EYS: variants seen among roughly 807,000 people sequenced by gnomAD.
The protein encoded by EYS is EGF-like photoreceptor maintenance factor, also known as protein eyes shut homolog.
A neutral mutation model predicts 282.1 loss-of-function variants in EYS; 250 were observed. That is an observed-to-expected ratio of 0.89 (90% CI 0.80 to 0.98). EYS has a LOEUF of 0.98. Among genes scored for constraint, EYS ranks in the 50% least tolerant of loss-of-function variants. The probability of loss-of-function intolerance (pLI) is 0.00; values close to 1 mark genes in which losing one functional copy is unlikely to be tolerated. For missense variants in EYS, 4,016 were observed against 3,709.0 expected (o/e 1.08, Z -2.15); for synonymous variants, 1,355 against 1,282.9 (o/e 1.06, Z -1.20).
intron 9 of EYS, among the ~76,000 whole-genome samples, chr6:65,345,869 G>A (rs1007411680): frequency 6.6e-6 from 1 of 151,274 alleles, no homozygotes; most frequent in African/African-American, 2.4e-5. Context: ...CAAATGAGGG[G>A]ATATAATTAT....
intron 29 of EYS, among the ~76,000 whole-genome samples, chr6:64,328,849 T>C (rs1770528801): frequency 6.6e-6 from 1 of 152,072 alleles, no homozygotes; most frequent in African/African-American, 2.4e-5. Context: ...TAAAACTAGG[T>C]AGCTAAGCCA....
At chr6:65,520,590 T>C (rs1767328820) in intron 2 of EYS, among the ~76,000 whole-genome samples, 1 of 151,832 alleles carries the variant, frequency 6.6e-6, no homozygotes, top group African/African-American at 2.4e-5. Flanking sequence ...GTATCATTTA[T>C]GTAACAGTCT....
Position 65,600,529 on chromosome 6 carries a change from G to T in EYS, c.-333+39249C>A, listed in dbSNP as rs540714303. On this transcript the variant is annotated intron_variant, in intron 2 of 42. Coordinates refer to ENST00000503581, the MANE Select transcript of EYS (RefSeq NM_001142800.2). Reference sequence around the variant, plus strand: ...CCTCCATCCTTATTCTCAAGCAAATGAAAGCTATACAACAACATAGGGAGG... The same window carrying T: ...CCTCCATCCTTATTCTCAAGCAAATTAAAGCTATACAACAACATAGGGAGG... Among the ~76,000 whole-genome samples, 3 of 151,916 alleles carry T rather than the reference G, an allele frequency of 2.0e-5. No homozygotes were observed. The East Asian group carries it at 5.8e-4, about 30-fold the overall frequency.
chr6:64,081,802 T>A (rs889201803), intron 32 of EYS, 54 bp downstream of exon 32: 1 of 1,312,320 alleles, frequency 7.6e-7, no homozygotes, highest in Non-Finnish European at 1.0e-6. Context: ...ATTCAATAGA[T>A]CAACGTTTGA....
chr6:64,380,702 T>TTATA (rs1167875097), intron 29 of EYS, among the ~76,000 whole-genome samples: 2 of 152,144 alleles, frequency 1.3e-5, no homozygotes. Context: ...GCACTGATTG[T>TTATA]TATAATACAG....
At chr6:64,336,871 T>A (rs1371672598) in intron 29 of EYS, among the ~76,000 whole-genome samples, 2 of 152,096 alleles carry the variant, frequency 1.3e-5, no homozygotes, top group Non-Finnish European at 2.9e-5. Context: ...TGCTTCTGAA[T>A]GAACACTGGG....
At chr6:64,658,987 A>G (rs1178610287) in intron 22 of EYS, among the ~76,000 whole-genome samples, 4 of 152,238 alleles carry the variant, frequency 2.6e-5, no homozygotes, top group Non-Finnish European at 4.4e-5. Flanking sequence ...CATAGTTGGA[A>G]GTAGAGCACT....
At chr6:64,836,311 C>T (rs924218475) in intron 19 of EYS, among the ~76,000 whole-genome samples, 5 of 149,572 alleles carry the variant, frequency 3.3e-5, no homozygotes, top group Admixed American at 6.7e-5. Flanking sequence ...TATATATATA[C>T]ACACTATAAA....
chr6:65,301,053 G>A (rs1350318226), intron 11 of EYS: 1 of 152,208 alleles, frequency 6.6e-6, no homozygotes, highest in Non-Finnish European at 1.5e-5. Flanking sequence ...AATGACTGAT[G>A]AGTACAATGC....
intron 35 of EYS, among the ~76,000 whole-genome samples, chr6:63,957,313 G>T (rs1765870215): frequency 7.1e-6 from 1 of 140,610 alleles, no homozygotes; most frequent in Non-Finnish European, 1.6e-5. Flanking sequence ...GCAAGAGCTG[G>T]AACAACAAGG....
chr6:65,421,813 A>G (rs967044170), intron 5 of EYS, among the ~76,000 whole-genome samples: 1 of 151,872 alleles, frequency 6.6e-6, no homozygotes, highest in Non-Finnish European at 1.5e-5. Flanking sequence ...AGAAAGCAGA[A>G]CGGTCAGTTG....
chr6:63,883,003 A>G (rs1472597170), intron 35 of EYS, among the ~76,000 whole-genome samples: 1 of 152,126 alleles, frequency 6.6e-6, no homozygotes, highest in Admixed American at 6.5e-5. Context: ...AATTAGTGTG[A>G]TTTTACTCCC....
At chr6:64,405,437 C>T (rs1393138648) in intron 28 of EYS, among the ~76,000 whole-genome samples, 5 of 152,154 alleles carry the variant, frequency 3.3e-5, no homozygotes, top group Admixed American at 3.3e-4. Context: ...GATGCCTTCT[C>T]TTACCACTCC....
chr6:64,130,607 C>G (rs969130720), intron 31 of EYS, among the ~76,000 whole-genome samples: 2 of 151,270 alleles, frequency 1.3e-5, no homozygotes, highest in East Asian at 3.9e-4. Flanking sequence ...GCACATGTAC[C>G]CTAAAACTTA....
chr6:64,151,320 TATATATATA>T (rs1774706181), intron 31 of EYS, among the ~76,000 whole-genome samples: 1 of 26,800 alleles, frequency 3.7e-5, no homozygotes, highest in African/African-American at 1.7e-4. Context: ...TGTATATTTA[TATATATATA>T]TATATATATA....
rs1157712956 is a variant in EYS, at chr6:64,802,017, C to CTT, written c.3443+11359_3443+11360dup. The stretch of plus-strand genomic sequence containing the variant: ...GTTATAAGAGAGTTATAACAAATTT[C>CTT]TTTTTCTTTTTTTTTCTTTTTTTTT... On this transcript the variant is annotated intron_variant, in intron 22 of 42. Coordinates refer to ENST00000503581, the MANE Select transcript of EYS (RefSeq NM_001142800.2). 1.7e-4 allele frequency among the ~76,000 whole-genome samples: 10 copies of CTT among 57,630 alleles called. 1 individual carries two copies. The highest frequency in any genetic ancestry group is 2.9e-4 in the Non-Finnish European group (8 of 27,600). 37.8% of individuals were successfully genotyped at this position (57,630 alleles called of 152,430 possible).
intron 14 of EYS, among the ~76,000 whole-genome samples, chr6:64,978,736 A>G (rs566471153): frequency 1.3e-5 from 2 of 152,046 alleles, no homozygotes; most frequent in Non-Finnish European, 1.5e-5. Flanking sequence ...CATTAATAAG[A>G]GTTTGGAAGA....
At chr6:65,576,349 G>A (rs984255291) in intron 2 of EYS, among the ~76,000 whole-genome samples, 1 of 151,666 alleles carries the variant, frequency 6.6e-6, no homozygotes, top group African/African-American at 2.4e-5. Flanking sequence ...CTCAATGCAT[G>A]CATCAAATAA....
At chr6:64,558,259 C>A (rs1229264110) in intron 26 of EYS, among the ~76,000 whole-genome samples, 2 of 152,042 alleles carry the variant, frequency 1.3e-5, no homozygotes, top group South Asian at 2.1e-4. Flanking sequence ...AAAACCATTT[C>A]TTAAAAATAC....
Sources: gnomAD v4.1 joint callset for allele counts (sites outside exome capture counted in the v4.1 genomes callset) on GRCh38, gnomAD v4.1.1 for gene constraint, MANE v1.5 for transcripts, NCBI Gene and HGNC (gene_info 2026-07-23, HGNC 2026-07-21) for gene names.